The following STX8 variants were observed in gnomAD, a reference collection of about 807,000 sequenced individuals.
STX8 encodes the protein syntaxin-8.
STX8 carries 23 observed loss-of-function variants against 37.5 expected under a neutral mutation model. The ratio of observed to expected loss-of-function variants is 0.61; its 90% CI spans 0.44 to 0.87. The LOEUF (loss-of-function observed/expected upper bound fraction) is 0.87, where lower values mean the gene tolerates loss of function less well. Among genes scored for constraint, STX8 ranks in the 40% least tolerant of loss-of-function variants. STX8 has a pLI of 0.00. For missense variants in STX8, 313 were observed against 284.7 expected, an observed-to-expected ratio of 1.10 and a Z score of -0.71; for synonymous variants, 115 against 99.1, an observed-to-expected ratio of 1.16 and a Z score of -0.95.
intron 6 of STX8, among the ~76,000 whole-genome samples, chr17:9,484,695 T>C (rs1449485612): frequency 6.8e-6 from 1 of 148,068 alleles, no homozygotes; most frequent in Admixed American, 6.8e-5. Flanking sequence ...GGCATGGTGG[T>C]GCGTGCCCGT....
At chr17:9,489,412 A>G (rs1203659049) in intron 6 of STX8, among the ~76,000 whole-genome samples, 1 of 152,198 alleles carries the variant, frequency 6.6e-6, no homozygotes, top group Admixed American at 6.5e-5. Flanking sequence ...AAGACAAGAT[A>G]AAGACGTGCG....
intron 6 of STX8, among the ~76,000 whole-genome samples, chr17:9,398,740 A>C (rs1912497575): frequency 6.6e-6 from 1 of 152,154 alleles, no homozygotes; most frequent in South Asian, 2.1e-4. Flanking sequence ...TCTGATTTCA[A>C]GACTTCCTAT....
intron 6 of STX8, among the ~76,000 whole-genome samples, chr17:9,486,790 T>C (rs905261549): frequency 6.6e-6 from 1 of 152,018 alleles, no homozygotes; most frequent in Admixed American, 6.5e-5. Flanking sequence ...GCCTGGGAGA[T>C]GGAGGATGCA....
At chr17:9,327,249 A>AAGGAGGAAGGAGG (rs1334459996) in intron 7 of STX8, among the ~76,000 whole-genome samples, 1 of 150,224 alleles carries the variant, frequency 6.7e-6, no homozygotes, top group African/African-American at 2.5e-5. Context: ...ACAGAGGAGG[A>AAGGAGGAAGGAGG]AGGAGGAAGG....
rs370712963 is a variant in STX8 at position 9,545,135 on chromosome 17, G to A, written c.323+37C>T. On this transcript the variant is annotated intron_variant, in intron 4 of 7. Coordinates refer to ENST00000306357, the MANE Select transcript of STX8 (RefSeq NM_004853.3). The stretch of plus-strand genomic sequence containing the variant: ...CTGTAGTATCTGCAAAGAAGTCTTC[G>A]CCCACCAAGTAATCCCTGTAAATAA... The A allele has an allele frequency of 4.4e-5, 63 of 1,441,788 alleles. No homozygotes were observed. In the East Asian group the frequency reaches 1.1e-3, roughly 25 times the overall value. The allele number at this position is 1,441,788 out of a possible 1,614,324, so 89.3% of individuals were successfully genotyped here. A position where few individuals can be genotyped will look rare whatever the true frequency, so the allele number is the denominator to read the frequency against.
At chr17:9,354,563 G>A (rs1185132382) in intron 7 of STX8, among the ~76,000 whole-genome samples, 3 of 151,508 alleles carry the variant, frequency 2.0e-5, no homozygotes, top group Non-Finnish European at 2.9e-5. Context: ...CTCATGATCC[G>A]CCTGCCTCGG....
At position 9,378,434 on chromosome 17, in the gene STX8, A is replaced by G. The variant is rs530520150; in HGVS notation, c.643+118T>C. On this transcript the variant is annotated intron_variant, in intron 7 of 7. Transcript: ENST00000306357. ...CAATTTCAGTGCTTCATCAAATGGA[A>G]CTGCCTGTATCAGAAGAGCAACCAA... 32 of 824,686 alleles carry G rather than the reference A, an allele frequency of 3.9e-5. 1 individual carries two copies. In the South Asian group the frequency reaches 5.0e-4, roughly 13 times the overall value. The allele number at this position is 824,686 out of a possible 1,614,324, so 51.1% of individuals were successfully genotyped here.
At chr17:9,535,992 A>T (rs1427787558) in intron 4 of STX8, among the ~76,000 whole-genome samples, 3 of 152,188 alleles carry the variant, frequency 2.0e-5, no homozygotes, top group African/African-American at 7.2e-5. Context: ...TATGTATGAT[A>T]TGTTACCATG....
At chr17:9,446,204 A>T (rs1904846549) in intron 6 of STX8, among the ~76,000 whole-genome samples, 1 of 152,140 alleles carries the variant, frequency 6.6e-6, no homozygotes, top group Non-Finnish European at 1.5e-5. Flanking sequence ...GGGGCCAGGG[A>T]CTATTTTATT....
intron 7 of STX8, among the ~76,000 whole-genome samples, chr17:9,307,697 T>C (rs1909048388): frequency 6.6e-6 from 1 of 152,086 alleles, no homozygotes; most frequent in African/African-American, 2.4e-5. Flanking sequence ...CCCCAGAGTA[T>C]GGCACTTTGG....
rs555925528 is a variant in STX8, at chr17:9,495,996, A to AG, written c.449-4076dup. Among the ~76,000 whole-genome samples the AG allele has an allele frequency of 7.2e-4, 110 of 152,278 alleles. 1 individual carries two copies. In the South Asian group the frequency reaches 0.022, roughly 30 times the overall value. On this transcript the variant is annotated intron_variant, in intron 5 of 7. Transcript: ENST00000306357. ...TGAGCCCAGAAGTTCAAGTCCAGCC[A>AG]GGGGCAATATAGCAAGACTCCTGTC...
intron 4 of STX8, among the ~76,000 whole-genome samples, chr17:9,536,958 G>T (rs1906084480): frequency 6.6e-6 from 1 of 152,046 alleles, no homozygotes; most frequent in African/African-American, 2.4e-5. Flanking sequence ...ATGTTGGCCA[G>T]GCTGGTCTCA....
At chr17:9,337,775 G>A (rs1429319350) in intron 7 of STX8, among the ~76,000 whole-genome samples, 2 of 152,190 alleles carry the variant, frequency 1.3e-5, no homozygotes, top group Admixed American at 1.3e-4. Flanking sequence ...AGGGAAATGC[G>A]GGATAGAAAA....
intron 6 of STX8, among the ~76,000 whole-genome samples, chr17:9,414,071 C>T (rs368185283): frequency 1.4e-4 from 17 of 124,562 alleles, no homozygotes; most frequent in Non-Finnish European, 1.7e-4. Flanking sequence ...TCCATCCATC[C>T]ACCCATCTGT....
At chr17:9,377,499 C>T (rs1911639965) in intron 7 of STX8, among the ~76,000 whole-genome samples, 1 of 152,088 alleles carries the variant, frequency 6.6e-6, no homozygotes, top group South Asian at 2.1e-4. Context: ...GAGACAGGGT[C>T]TCACTCTGTC....
intron 6 of STX8, among the ~76,000 whole-genome samples, chr17:9,428,756 A>C (rs1567556015): frequency 6.6e-6 from 1 of 152,204 alleles, no homozygotes; most frequent in Non-Finnish European, 1.5e-5. Context: ...GATATTTTGA[A>C]TCTTTTTTTC....
chr17:9,484,554 G>A (rs1429313283), intron 6 of STX8, among the ~76,000 whole-genome samples: 3 of 151,724 alleles, frequency 2.0e-5, no homozygotes, highest in African/African-American at 4.8e-5. Context: ...GGTGGCTCAC[G>A]CCTGTAATCC....
chr17:9,379,947 G>A (rs55790501), intron 6 of STX8, among the ~76,000 whole-genome samples: 46,267 of 151,248 alleles, frequency 0.31, 8,342 homozygotes, highest in African/African-American at 0.52. Flanking sequence ...CAGTTTGGGC[G>A]ACAGAGAGAG....
chr17:9,423,259 T>G (rs1295040243), intron 6 of STX8, among the ~76,000 whole-genome samples: 1 of 152,206 alleles, frequency 6.6e-6, no homozygotes, highest in East Asian at 1.9e-4. Flanking sequence ...CTATGGTCTG[T>G]TTTCTTCTTA....
Sources: allele counts gnomAD v4.1 joint callset (sites outside exome capture counted in the v4.1 genomes callset), GRCh38; gene constraint gnomAD v4.1.1; transcripts MANE v1.5; gene names NCBI Gene and HGNC (gene_info 2026-07-23, HGNC 2026-07-21).